Variants in STRBP observed in about 807,000 individuals in gnomAD.
The protein encoded by STRBP is spermatid perinuclear RNA-binding protein.
A neutral mutation model predicts 80.1 loss-of-function variants in STRBP; 13 were observed. That is an observed-to-expected ratio of 0.16 (90% CI 0.11 to 0.26). The LOEUF is 0.26. Among genes scored for constraint, STRBP ranks in the 10% least tolerant of loss-of-function variants. The pLI is 1.00. For missense variants in STRBP, 485 were observed against 815.2 expected (o/e 0.59, Z 4.93); for synonymous variants, 284 against 291.2 (o/e 0.98, Z 0.25).
chr9:123,172,000 T>C (rs1265445393), intron 5 of STRBP, among the ~76,000 whole-genome samples: 1 of 152,178 alleles, frequency 6.6e-6, no homozygotes, highest in Non-Finnish European at 1.5e-5. Flanking sequence ...GTTTACAAAG[T>C]TGTGATCTGC....
At chr9:123,267,873 G>GCC (rs145177909) in intron 1 of STRBP, among the ~76,000 whole-genome samples, 19 of 101,534 alleles carry the variant, frequency 1.9e-4, no homozygotes, top group Admixed American at 8.7e-4. Flanking sequence ...ACAATATAGT[G>GCC]CCCCCCCCCA....
Position 123,140,722 on chromosome 9 carries a change from C to T in STRBP, c.1339-1035G>A, listed in dbSNP as rs117859723. Among the ~76,000 whole-genome samples, 93 of 152,312 alleles carry T rather than the reference C, an allele frequency of 6.1e-4. 1 individual carries two copies. In the East Asian group the frequency reaches 0.016, roughly 27 times the overall value. On this transcript the variant is annotated intron_variant, in intron 13 of 18. Coordinates refer to ENST00000348403, the MANE Select transcript of STRBP (RefSeq NM_018387.5). Reference sequence around the variant, plus strand: ...TATTTCCATCCCTCTCTCTCAAGGGCTGATTATGGCTACCTCCAACGTTCA... The same window carrying T: ...TATTTCCATCCCTCTCTCTCAAGGGTTGATTATGGCTACCTCCAACGTTCA...
chr9:123,128,352 C>A, intron 17 of STRBP, 94 bp from the exon 18 acceptor site: 1 of 1,399,564 alleles, frequency 7.1e-7, no homozygotes. Flanking sequence ...CACCCTGGGC[C>A]CGGAGGACTT....
chr9:123,223,227 T>C (rs1427698797), intron 2 of STRBP, among the ~76,000 whole-genome samples: 1 of 152,148 alleles, frequency 6.6e-6, no homozygotes, highest in Non-Finnish European at 1.5e-5. Flanking sequence ...GGACAGAGGT[T>C]AATAAGTGGA....
Position 123,136,544 on chromosome 9 carries a change from A to T in STRBP, c.1498-29T>A. Reference sequence around the variant, plus strand: ...TAAGAGAAAGGGAATCTGAAGGTTCAATCAAGTAAGATTTTAGAATATTAC... The same window carrying T: ...TAAGAGAAAGGGAATCTGAAGGTTCTATCAAGTAAGATTTTAGAATATTAC... On this transcript the variant is annotated intron_variant, in intron 14 of 18. Coordinates refer to ENST00000348403, the MANE Select transcript of STRBP (RefSeq NM_018387.5). The surrounding 1 kb of genome is among the most constrained non-coding windows in gnomAD (Gnocchi z 4.2). The T allele has an allele frequency of 1.9e-6, 3 of 1,605,364 alleles. No homozygotes were observed. The highest frequency in any genetic ancestry group is 2.5e-6 in the Non-Finnish European group (3 of 1,177,720).
At chr9:123,184,693 T>G (rs776417627) in intron 2 of STRBP, among the ~76,000 whole-genome samples, 1 of 152,212 alleles carries the variant, frequency 6.6e-6, no homozygotes. Context: ...TAAAGACACC[T>G]GAAAATACAA....
chr9:123,262,734 G>A (rs538630545), intron 1 of STRBP, among the ~76,000 whole-genome samples: 1 of 152,378 alleles, frequency 6.6e-6, no homozygotes, highest in South Asian at 2.1e-4. Context: ...CACATGTGGA[G>A]AGTCTGTTGT....
chr9:123,186,417 A>G (rs2132472620), intron 2 of STRBP, among the ~76,000 whole-genome samples: 1 of 152,330 alleles, frequency 6.6e-6, no homozygotes, highest in Non-Finnish European at 1.5e-5. Context: ...GATGTAGTGG[A>G]AAAATCATGG....
intron 4 of STRBP, among the ~76,000 whole-genome samples, chr9:123,178,727 A>G (rs1209851383): frequency 1.3e-5 from 2 of 152,234 alleles, no homozygotes; most frequent in Non-Finnish European, 2.9e-5. Context: ...GAAAAAGATC[A>G]TAACTTTGAA....
chr9:123,158,482 T>A, intron 9 of STRBP, 53 bp from the exon 10 acceptor site: 1 of 1,505,356 alleles, frequency 6.6e-7, no homozygotes, highest in Non-Finnish European at 9.2e-7. Flanking sequence ...TAGAATTCGG[T>A]AAACTAAAAC....
intron 11 of STRBP, among the ~76,000 whole-genome samples, chr9:123,154,181 T>A (rs565037897): frequency 6.6e-6 from 1 of 152,258 alleles, no homozygotes; most frequent in South Asian, 2.1e-4. Flanking sequence ...TAAGTGGTTG[T>A]CAAAACTAAA....
chr9:123,188,633 C>A (rs1183232228), intron 2 of STRBP, among the ~76,000 whole-genome samples: 1 of 152,094 alleles, frequency 6.6e-6, no homozygotes, highest in Non-Finnish European at 1.5e-5. Flanking sequence ...CAGAGTGAGA[C>A]TCCATCTCAA....
intron 2 of STRBP, among the ~76,000 whole-genome samples, chr9:123,219,621 A>T (rs1475623750): frequency 6.6e-6 from 1 of 152,262 alleles, no homozygotes; most frequent in African/African-American, 2.4e-5. Context: ...AAATACTGTT[A>T]AATTGATGAA....
At chr9:123,261,307 A>G (rs1292375931) in intron 1 of STRBP, among the ~76,000 whole-genome samples, 1 of 152,200 alleles carries the variant, frequency 6.6e-6, no homozygotes, top group Non-Finnish European at 1.5e-5. Flanking sequence ...GGCAGATTTC[A>G]AATTTGCTCA....
chr9:123,120,362 T>C (rs904107632), downstream of STRBP, among the ~76,000 whole-genome samples: 5 of 151,790 alleles, frequency 3.3e-5, no homozygotes, highest in African/African-American at 1.2e-4. Context: ...CAGGAGGCAC[T>C]GGCATCAGAT....
At chr9:123,172,729 G>C (rs1260812717) in intron 5 of STRBP, among the ~76,000 whole-genome samples, 1 of 151,976 alleles carries the variant, frequency 6.6e-6, no homozygotes, top group Non-Finnish European at 1.5e-5. Flanking sequence ...GGGTCAGCTA[G>C]TGAATATGAA....
At chr9:123,125,986 A>G (rs762381154) in intron 18 of STRBP, among the ~76,000 whole-genome samples, 1 of 152,246 alleles carries the variant, frequency 6.6e-6, no homozygotes, top group Non-Finnish European at 1.5e-5. Flanking sequence ...AATCGACTGT[A>G]GAAATCCATA....
chr9:123,233,576 T>C (rs2040458416), intron 2 of STRBP, among the ~76,000 whole-genome samples: 1 of 152,226 alleles, frequency 6.6e-6, no homozygotes, highest in East Asian at 1.9e-4. Context: ...TGAAAGATAA[T>C]GTTAATTGCA....
At chr9:123,246,308 C>G (rs2040798834) in intron 1 of STRBP, among the ~76,000 whole-genome samples, 1 of 152,160 alleles carries the variant, frequency 6.6e-6, no homozygotes, top group South Asian at 2.1e-4. Context: ...CTAAATGTCA[C>G]ATAAGAACAC....
Sources: gnomAD v4.1 joint callset for allele counts (sites outside exome capture counted in the v4.1 genomes callset) on GRCh38, gnomAD v4.1.1 for gene constraint, Gnocchi (gnomAD v3.1) non-coding constraint, MANE v1.5 for transcripts, NCBI Gene and HGNC (gene_info 2026-07-23, HGNC 2026-07-21) for gene names.